ZNF528: variants seen among roughly 807,000 people sequenced by gnomAD.
ZNF528 encodes zinc finger protein 528.
ZNF528 carries 9 observed loss-of-function variants against 13.3 expected under a neutral mutation model. The observed-to-expected ratio is 0.67, with a 90% CI of 0.41 to 1.18. The LOEUF (loss-of-function observed/expected upper bound fraction) is 1.18, where lower values mean the gene tolerates loss of function less well. Among genes scored for constraint, ZNF528 ranks in the 50% most tolerant of loss-of-function variants. ZNF528 has a pLI of 0.01. For synonymous variants in ZNF528, 264 were observed against 254.3 expected, an observed-to-expected ratio of 1.04 and a Z score of -0.36; for missense variants, 858 against 745.4, an observed-to-expected ratio of 1.15 and a Z score of -1.76.
At chr19:52,414,614 G>T (rs746807986) in intron 6 of ZNF528, 17 of 420,694 alleles carry the variant, frequency 4.0e-5, no homozygotes, top group African/African-American at 6.1e-5. Flanking sequence ...AAACCTTCTG[G>T]TGTCAGGCGC....
At position 52,400,617 on chromosome 19, in the gene ZNF528, A is replaced by G. The variant is rs114566230; in HGVS notation, c.-136-1068A>G. Among the ~76,000 whole-genome samples, 1,335 of 151,412 alleles carry G rather than the reference A, an allele frequency of 8.8e-3. 16 individuals carry two copies. The highest frequency in any genetic ancestry group is 0.031 in the African/African-American group (1,276 of 41,216). On this transcript the variant is annotated intron_variant, in intron 2 of 6. Coordinates refer to ENST00000360465, the MANE Select transcript of ZNF528 (RefSeq NM_032423.3). Reference sequence around the variant, plus strand: ...GTTCACCATAACCTCAAACCCCTAGACTCCAGCAATCCTCCCGTCTTAGCC... The same window carrying G: ...GTTCACCATAACCTCAAACCCCTAGGCTCCAGCAATCCTCCCGTCTTAGCC...
chr19:52,405,628 T>C (rs1417988049), intron 4 of ZNF528, among the ~76,000 whole-genome samples: 1 of 151,898 alleles, frequency 6.6e-6, no homozygotes, highest in Non-Finnish European at 1.5e-5. Flanking sequence ...TGTGTAAAAA[T>C]ACCTAACACT....
intron 4 of ZNF528, among the ~76,000 whole-genome samples, chr19:52,405,435 G>T (rs995265428): frequency 6.6e-6 from 1 of 152,134 alleles, no homozygotes; most frequent in Admixed American, 6.5e-5. Context: ...AGAGGCTGAG[G>T]TTGGAGGATG....
rs184151564 is a variant in ZNF528 at position 52,415,005 on chromosome 19, C to G, written c.272-119C>G. 6 of 1,556,684 alleles carry G rather than the reference C, an allele frequency of 3.9e-6. No homozygotes were observed. In the Admixed American group the frequency reaches 9.6e-5, roughly 25 times the overall value. On this transcript the variant is annotated intron_variant, in intron 6 of 6. Transcript: ENST00000360465. ...TTCTGCACTGCCAGCATGATACACA[C>G]AATACCCTGATACTCCTACCAATGT...
At chr19:52,414,281 G>T (rs936938813) in intron 6 of ZNF528, 3 of 702,350 alleles carry the variant, frequency 4.3e-6, no homozygotes, top group African/African-American at 1.7e-5. Context: ...CGACATCCTC[G>T]GAGTCCCTCT....
rs1437993392 is a variant in ZNF528, at chr19:52,406,495, A to G, written c.143-20A>G. The G allele has an allele frequency of 6.2e-7, 1 of 1,610,962 alleles. No homozygotes were observed. Among genetic ancestry groups the G allele is most frequent in the Non-Finnish European group, 8.5e-7 (1 of 1,179,288 alleles). The stretch of plus-strand genomic sequence containing the variant: ...TTGGGAGATGCCACAGCACACATTT[A>G]TTCTTTCTTTTATAAATAGGAATCT... On this transcript the variant is annotated intron_variant, in intron 5 of 6. Coordinates refer to ENST00000360465, the MANE Select transcript of ZNF528 (RefSeq NM_032423.3).
intron 6 of ZNF528, chr19:52,412,061 G>A (rs1048200556): frequency 1.3e-4 from 20 of 152,120 alleles, no homozygotes; most frequent in Admixed American, 3.3e-4. Flanking sequence ...GTGTCCATTC[G>A]CCCATAAAAT....
intron 6 of ZNF528, among the ~76,000 whole-genome samples, chr19:52,410,411 A>G (rs937918737): frequency 6.6e-5 from 10 of 152,248 alleles, no homozygotes; most frequent in Admixed American, 4.6e-4. Context: ...TCTTTGAACA[A>G]TAGGCTCTAG....
In ZNF528 at chr19:52,415,945, C is replaced by T. The variant is rs757895784; in HGVS notation, c.1093C>T (p.Arg365Cys). 76 of 1,613,398 alleles carry T rather than the reference C, an allele frequency of 4.7e-5. No individual in the cohort carries two copies. In the East Asian group the frequency reaches 1.2e-3, roughly 26 times the overall value. The change falls in exon 7 of 7, where the codon CGT becomes TGT. Residue 365 changes from arginine to cysteine, a missense_variant. By Grantham distance (180) the Arg-to-Cys change is radical. Coordinates refer to ENST00000360465, the MANE Select transcript of ZNF528 (RefSeq NM_032423.3). ...AGAATGTGGCAAAGCATTTTCAGTGCGTTCCAGCCTCATAACCCATCAGTT... is the reference window on the plus strand; with the variant it reads ...AGAATGTGGCAAAGCATTTTCAGTGTGTTCCAGCCTCATAACCCATCAGTT... ...CEECGKAFSV[R>C]SSLITHQLIH...
In ZNF528 at chr19:52,406,125, G is replaced by A. The variant is rs113027615; in HGVS notation, c.142+92G>A. On this transcript the variant is annotated intron_variant, in intron 5 of 6. Coordinates refer to ENST00000360465, the MANE Select transcript of ZNF528 (RefSeq NM_032423.3). ...CCTCTTGGGAGCTCCTGCATTGCTT[G>A]CCTGAGATTGAAACCATGTTGACTC... is the stretch of plus-strand genomic sequence containing the variant. The A allele has an allele frequency of 2.2e-5, 31 of 1,433,118 alleles. No individual in the cohort carries two copies. In the African/African-American group the frequency reaches 3.3e-4, roughly 15 times the overall value. 88.8% of individuals were successfully genotyped at this position (1,433,118 alleles called of 1,614,324 possible).
chr19:52,414,334 A>G (rs2058971373), intron 6 of ZNF528: 1 of 702,246 alleles, frequency 1.4e-6, no homozygotes, highest in African/African-American at 1.7e-5. Context: ...TGGGGGACTG[A>G]ACGAAGGGGG....
rs752436405 is a variant in ZNF528 at position 52,416,300 on chromosome 19, A to T, written c.1448A>T (p.His483Leu). Reference protein sequence around the residue: ...VFRYKSSLTSHHRIHTGEKPY... With the variant: ...VFRYKSSLTSLHRIHTGEKPY... ...AGGTACAAGTCTTCTCTAACCAGTC[A>T]TCATAGAATTCATACTGGAGAGAAG... Residue 483 changes from histidine to leucine, a missense_variant, in exon 7 of 7, where the codon CAT becomes CTT. His to Leu is a moderately conservative substitution (Grantham distance 99). Transcript: ENST00000360465. 4 of 1,614,150 alleles carry T rather than the reference A, an allele frequency of 2.5e-6. No homozygotes were observed. In the South Asian group the frequency reaches 4.4e-5, roughly 18 times the overall value.
rs773266068 is a variant in ZNF528 at position 52,416,642 on chromosome 19, GA to G, written c.1792del (p.Ile598PhefsTer53). Reference protein sequence around the residue: ...TQKSSLTNHHRIHIGEKPYKC... With the variant: ...TQKSSLTNHHXIHIGEKPYKC... Reference sequence around the variant, plus strand: ...AAGTCTTCCCTCACCAATCACCATAGAATTCACATTGGAGAGAAACCTTACA... The same window carrying G: ...AAGTCTTCCCTCACCAATCACCATAGATTCACATTGGAGAGAAACCTTACA... On this transcript the variant is annotated frameshift_variant, in exon 7 of 7. Transcript: ENST00000360465. LOFTEE classifies it low-confidence loss of function (END_TRUNC). 3 of 1,614,022 alleles carry G rather than the reference GA, an allele frequency of 1.9e-6. No homozygotes were observed. In the African/African-American group the frequency reaches 4.0e-5, roughly 22 times the overall value.
Position 52,413,264 on chromosome 19 carries a change from A to G in ZNF528, c.272-1860A>G, listed in dbSNP as rs540826005. The G allele has an allele frequency of 8.1e-4, 123 of 152,250 alleles. 1 individual carries two copies. Among genetic ancestry groups the G allele is most frequent in the African/African-American group, 2.9e-3 (120 of 41,542 alleles). 9.4% of individuals were successfully genotyped at this position (152,250 alleles called of 1,614,324 possible). On this transcript the variant is annotated intron_variant, in intron 6 of 6. Transcript: ENST00000360465. The stretch of plus-strand genomic sequence containing the variant: ...ATTACTCAATAGCATATCCTCTGTA[A>G]TGTCTCCTTGACAAGCAGCACGATT...
intron 2 of ZNF528, among the ~76,000 whole-genome samples, chr19:52,400,932 T>A (rs995249519): frequency 2.6e-5 from 4 of 152,214 alleles, no homozygotes; most frequent in Admixed American, 2.6e-4. Context: ...CTTGTATTTT[T>A]AAAAATCTGT....
rs2059022086 is a variant in ZNF528, at chr19:52,418,051, C to T, written c.*1312C>T. On this transcript the variant is annotated 3_prime_UTR_variant, in exon 7 of 7. Transcript: ENST00000360465. ...CCAGGCTGTAGTGCGGTGGCGCGAT[C>T]TCGGCTCACTGCAACCTCCGCCTCC... is the stretch of plus-strand genomic sequence containing the variant. 6.6e-6 allele frequency: 1 copy of T among 152,362 alleles called. No homozygotes were observed. Among genetic ancestry groups the T allele is most frequent in the Non-Finnish European group, 1.5e-5 (1 of 68,246 alleles). The allele number at this position is 152,362 out of a possible 1,614,324, so 9.4% of individuals were successfully genotyped here.
At position 52,417,270 on chromosome 19, in the gene ZNF528, C is replaced by A. The variant is rs553922077; in HGVS notation, c.*531C>A. 2 of 280,658 alleles carry A rather than the reference C, an allele frequency of 7.1e-6. No individual in the cohort carries two copies. Among genetic ancestry groups the A allele is most frequent in the East Asian group, 1.2e-4 (1 of 8,226 alleles). 17.4% of individuals were successfully genotyped at this position (280,658 alleles called of 1,614,324 possible). On this transcript the variant is annotated 3_prime_UTR_variant, in exon 7 of 7. Coordinates refer to ENST00000360465, the MANE Select transcript of ZNF528 (RefSeq NM_032423.3). ...AGGATGACAGGGCTGACTTCATTAG[C>A]TGAGGATTATTTCTATCCAATTTCC...
At position 52,416,018 on chromosome 19, in the gene ZNF528, T is replaced by G; in HGVS notation, c.1166T>G (p.Val389Gly). The G allele has an allele frequency of 6.2e-7, 1 of 1,614,078 alleles. No homozygotes were observed. Among genetic ancestry groups the G allele is most frequent in the Non-Finnish European group, 8.5e-7 (1 of 1,180,030 alleles). Residue 389 changes from valine (V) to glycine (G), a missense_variant, in exon 7 of 7, where the codon GTC becomes GGC. Coordinates refer to ENST00000360465, the MANE Select transcript of ZNF528 (RefSeq NM_032423.3). ...TACAAATGTAAAGAATGTGACAAGG[T>G]CTTTGGGCGCAAGTGTTTCCTGACC... Reference protein sequence around the residue: ...KPYKCKECDKVFGRKCFLTSH... With the variant: ...KPYKCKECDKGFGRKCFLTSH...
chr19:52,410,160 G>C (rs966702562), intron 6 of ZNF528, among the ~76,000 whole-genome samples: 1 of 152,228 alleles, frequency 6.6e-6, no homozygotes, highest in African/African-American at 2.4e-5. Context: ...TCAACCTGTT[G>C]TAAAGGGTGT....
Sources: gnomAD v4.1 joint callset for allele counts (sites outside exome capture counted in the v4.1 genomes callset) on GRCh38, gnomAD v4.1.1 for gene constraint, MANE v1.5 for transcripts, NCBI Gene and HGNC (gene_info 2026-07-23, HGNC 2026-07-21) for gene names.